The following TLE4 variants were observed in gnomAD, a reference collection of about 807,000 sequenced individuals.
The protein encoded by TLE4 is TLE family member 4, transcriptional corepressor.
In TLE4, 8 loss-of-function variants were observed where a neutral mutation model predicts 92.8. The observed-to-expected ratio is 0.09, with a 90% confidence interval of 0.05 to 0.16. The LOEUF (loss-of-function observed/expected upper bound fraction) is 0.16, where lower values mean the gene tolerates loss of function less well. Ranked by LOEUF, TLE4 falls within the 10% of genes least tolerant of loss-of-function variation. The pLI is 1.00. For synonymous variants in TLE4, 371 were observed against 374.1 expected (o/e 0.99, Z 0.10); for missense variants, 675 against 997.6 (o/e 0.68, Z 4.36).
intron 8 of TLE4, among the ~76,000 whole-genome samples, chr9:79,691,607 C>T (rs1456724486): frequency 3.9e-5 from 6 of 152,116 alleles, no homozygotes; most frequent in Non-Finnish European, 8.8e-5. Context: ...CACCTGCTCC[C>T]TCCACGTCAG....
intron 19 of TLE4, among the ~76,000 whole-genome samples, chr9:79,723,926 A>G (rs922855802): frequency 1.2e-4 from 18 of 152,222 alleles, no homozygotes; most frequent in Non-Finnish European, 1.6e-4. Context: ...TATAGTAAGC[A>G]TAAGTACTAT....
At chr9:79,608,621 A>G (rs1217500150) in intron 4 of TLE4, among the ~76,000 whole-genome samples, 1 of 152,090 alleles carries the variant, frequency 6.6e-6, no homozygotes, top group Non-Finnish European at 1.5e-5. Context: ...AATGGTAAAA[A>G]GTTATTCTTC....
At chr9:79,650,027 C>T (rs1411025473) in intron 6 of TLE4, among the ~76,000 whole-genome samples, 1 of 151,784 alleles carries the variant, frequency 6.6e-6, no homozygotes, top group African/African-American at 2.4e-5. Context: ...GTGATTCTCC[C>T]ACCTCAGCCT....
At chr9:79,574,985 CA>C in intron 3 of TLE4, 49 bp downstream of exon 3, 5 of 1,516,266 alleles carry the variant, frequency 3.3e-6, no homozygotes, top group Non-Finnish European at 3.7e-6. Flanking sequence ...TTTGGAATAC[CA>C]AAAACAAGAA....
At chr9:79,644,241 C>G (rs747265241) in intron 6 of TLE4, among the ~76,000 whole-genome samples, 2 of 152,090 alleles carry the variant, frequency 1.3e-5, no homozygotes, top group African/African-American at 2.4e-5. Flanking sequence ...CCTGCTGCCA[C>G]GTGAAGAAGG....
At chr9:79,713,104 C>A (rs2073731691) in intron 14 of TLE4, among the ~76,000 whole-genome samples, 1 of 152,206 alleles carries the variant, frequency 6.6e-6, no homozygotes, top group Non-Finnish European at 1.5e-5. Context: ...AACCAGACCT[C>A]TCATTGTGAC....
intron 4 of TLE4, among the ~76,000 whole-genome samples, chr9:79,605,408 C>G (rs942772937): frequency 2.0e-5 from 3 of 152,186 alleles, no homozygotes; most frequent in African/African-American, 7.2e-5. Context: ...GATCGTCATT[C>G]TCAACCTTGA....
chr9:79,613,684 A>G (rs1302151961), intron 5 of TLE4, among the ~76,000 whole-genome samples: 1 of 152,108 alleles, frequency 6.6e-6, no homozygotes, highest in Non-Finnish European at 1.5e-5. Context: ...GTGTTGTGTC[A>G]CTGCTTTTCA....
At chr9:79,697,200 G>A (rs923683971) in intron 8 of TLE4, among the ~76,000 whole-genome samples, 2 of 152,192 alleles carry the variant, frequency 1.3e-5, no homozygotes, top group Admixed American at 6.5e-5. Context: ...TGCAAACTTT[G>A]AGGAGGTCCA....
intron 14 of TLE4, among the ~76,000 whole-genome samples, chr9:79,713,203 G>A (rs1326597071): frequency 2.0e-5 from 3 of 152,208 alleles, no homozygotes; most frequent in Admixed American, 6.5e-5. Flanking sequence ...ACAGAACTGG[G>A]CCTCAGAGAG....
intron 5 of TLE4, among the ~76,000 whole-genome samples, chr9:79,619,967 G>A (rs2791576): frequency 0.33 from 49,545 of 152,082 alleles, 9,378 homozygotes; most frequent in African/African-American, 0.52. Flanking sequence ...TTTGGTGACA[G>A]TTGGCTGCTT....
intron 4 of TLE4, chr9:79,580,138 G>A (rs570559457): frequency 1.3e-5 from 2 of 152,306 alleles, no homozygotes; most frequent in Non-Finnish European, 2.9e-5. Context: ...CAAAACTGCC[G>A]AAGCATGGTG....
intron 4 of TLE4, among the ~76,000 whole-genome samples, chr9:79,582,710 AT>A (rs1438993126): frequency 7.2e-6 from 1 of 138,524 alleles, no homozygotes; most frequent in East Asian, 2.2e-4. Context: ...GCAATAATGT[AT>A]TTGGTGGCTA....
intron 4 of TLE4, among the ~76,000 whole-genome samples, chr9:79,598,633 G>GT (rs1472978720): frequency 2.6e-5 from 4 of 151,976 alleles, no homozygotes; most frequent in East Asian, 1.9e-4. Context: ...TTCCTGTACT[G>GT]TTTTTTTCAG....
intron 4 of TLE4, among the ~76,000 whole-genome samples, chr9:79,599,576 G>A (rs188315756): frequency 6.6e-6 from 1 of 152,286 alleles, no homozygotes; most frequent in Admixed American, 6.5e-5. Context: ...AGCTTGAGTA[G>A]TAATTGCTTT....
At chr9:79,652,488 G>A (rs1245301266) in intron 6 of TLE4, 105 bp from the exon 7 acceptor site, 5 of 1,297,648 alleles carry the variant, frequency 3.9e-6, no homozygotes, top group African/African-American at 2.9e-5. Context: ...TGCCCAGCCG[G>A]TGTTGGCTTT....
intron 5 of TLE4, among the ~76,000 whole-genome samples, chr9:79,620,310 G>A (rs2050645358): frequency 6.6e-6 from 1 of 152,224 alleles, no homozygotes; most frequent in Non-Finnish European, 1.5e-5. Flanking sequence ...TACATTTCAA[G>A]TGCTCAGTAT....
intron 6 of TLE4, among the ~76,000 whole-genome samples, chr9:79,638,513 C>G (rs1335498951): frequency 6.6e-6 from 1 of 151,648 alleles, no homozygotes; most frequent in Non-Finnish European, 1.5e-5. Context: ...TAAGGCAGCT[C>G]TATAGCTAGT....
chr9:79,628,703 G>T lies in TLE4; in HGVS notation c.390+1255G>T, dbSNP rs1203415920. ...GAAACAAGAGGCTGAATCAGAAGAA[G>T]CCATGTAGAATCATGAATAATGTTT... is the stretch of plus-strand genomic sequence containing the variant. On this transcript the variant is annotated intron_variant, in intron 6 of 19. Transcript: ENST00000376552. Among the ~76,000 whole-genome samples, 3 of 152,142 alleles carry T rather than the reference G, an allele frequency of 2.0e-5. No homozygotes were observed. The East Asian group carries it at 5.8e-4, about 29-fold the overall frequency.
Sources: allele counts gnomAD v4.1 joint callset (sites outside exome capture counted in the v4.1 genomes callset), GRCh38; gene constraint gnomAD v4.1.1; transcripts MANE v1.5; gene names NCBI Gene and HGNC (gene_info 2026-07-23, HGNC 2026-07-21).